PPEF1: variants seen among roughly 807,000 people sequenced by gnomAD.
The protein encoded by PPEF1 is serine/threonine-protein phosphatase with EF-hands 1.
In PPEF1, 12 loss-of-function variants were observed where a neutral mutation model predicts 53.3. The observed-to-expected ratio is 0.23, with a 90% CI of 0.14 to 0.36. The LOEUF (loss-of-function observed/expected upper bound fraction) is 0.36, where lower values mean the gene tolerates loss of function less well. Among genes scored for constraint, PPEF1 ranks in the 10% least tolerant of loss-of-function variants. The pLI is 1.00. For synonymous variants in PPEF1, 165 were observed against 176.7 expected (o/e 0.93, Z 0.52); for missense variants, 334 against 490.4 (o/e 0.68, Z 3.01).
At chrX:18,823,470 C>G (rs1377852595) in intron 13 of PPEF1, among the ~76,000 whole-genome samples, 2 of 108,216 alleles carry the variant, frequency 1.8e-5, no homozygotes, top group East Asian at 5.8e-4. Context: ...ACTAAAAGTA[C>G]AAAAAAATTA....
chrX:18,713,489 C>T (rs1385463608), intron 1 of PPEF1, among the ~76,000 whole-genome samples: 3 of 99,177 alleles, frequency 3.0e-5, no homozygotes, highest in African/African-American at 7.5e-5. Flanking sequence ...ATATGGAGTG[C>T]GTCCAGAAGA....
chrX:18,764,201 C>T (rs775889464), intron 6 of PPEF1, among the ~76,000 whole-genome samples: 1 of 111,178 alleles, frequency 9.0e-6, no homozygotes, highest in African/African-American at 3.3e-5. Flanking sequence ...CCCAAGCCAT[C>T]GAAAGAGAGT....
chrX:18,761,340 A>G (rs1050221159), intron 5 of PPEF1, among the ~76,000 whole-genome samples, 190 bp from the exon 6 acceptor site: 2 of 111,922 alleles, frequency 1.8e-5, no homozygotes, highest in African/African-American at 6.5e-5. Context: ...GAAGCACTAG[A>G]TGCTGTCCCC....
chrX:18,788,080 G>A (rs943762671), intron 9 of PPEF1, among the ~76,000 whole-genome samples: 5 of 111,666 alleles, frequency 4.5e-5, no homozygotes, highest in African/African-American at 1.3e-4. Flanking sequence ...ACTTTGGGAG[G>A]CCAAGGCGGG....
At chrX:18,795,248 T>C (rs1016866390) in intron 10 of PPEF1, among the ~76,000 whole-genome samples, 5 of 112,116 alleles carry the variant, frequency 4.5e-5, no homozygotes, top group Admixed American at 1.9e-4. Flanking sequence ...AGGCGGAGGC[T>C]GCAGTGAGCT....
chrX:18,760,843 A>G (rs948064252), intron 5 of PPEF1, among the ~76,000 whole-genome samples: 8 of 101,004 alleles, frequency 7.9e-5, no homozygotes, highest in African/African-American at 3.0e-4. Context: ...GCAGTGGTGC[A>G]ATCTCAGCTC....
chrX:18,698,171 A>G (rs1219842550), intron 5 of PPEF1, among the ~76,000 whole-genome samples: 1 of 112,385 alleles, frequency 8.9e-6, no homozygotes, highest in Non-Finnish European at 1.9e-5. Flanking sequence ...AATAGATATT[A>G]TCATTATTGT....
At chrX:18,727,443 T>C (rs2044734482) in intron 1 of PPEF1, among the ~76,000 whole-genome samples, 2 of 111,333 alleles carry the variant, frequency 1.8e-5, no homozygotes, top group South Asian at 3.8e-4. Context: ...CTTTGCAAGG[T>C]TGAAGATGTG....
intron 12 of PPEF1, among the ~76,000 whole-genome samples, chrX:18,811,262 AGGCT>A (rs1370768519): frequency 9.0e-6 from 1 of 111,169 alleles, no homozygotes; most frequent in Non-Finnish European, 1.9e-5. Flanking sequence ...CATGTTGGCC[AGGCT>A]GGTCTCAAAC....
At chrX:18,745,759 T>C (rs747717071) in intron 3 of PPEF1, among the ~76,000 whole-genome samples, 1 of 112,193 alleles carries the variant, frequency 8.9e-6, no homozygotes, top group East Asian at 2.8e-4. Context: ...ATTCCATTCC[T>C]AGTTTCTGAG....
chrX:18,745,130 TA>T (rs2045296696), intron 3 of PPEF1, among the ~76,000 whole-genome samples: 1 of 96,109 alleles, frequency 1.0e-5, no homozygotes, highest in Non-Finnish European at 2.0e-5. Flanking sequence ...ATATATTATA[TA>T]ATTATATTAT....
intron 1 of PPEF1, among the ~76,000 whole-genome samples, chrX:18,684,031 A>C (rs759731523): frequency 2.3e-4 from 26 of 112,014 alleles, no homozygotes; most frequent in Admixed American, 1.0e-3. Context: ...CACATAGCTC[A>C]CCCGTAGCTC....
upstream of PPEF1, chrX:18,675,887 G>A (rs1309979532): frequency 2.1e-5 from 2 of 97,194 alleles, no homozygotes; most frequent in Non-Finnish European, 2.0e-5. Context: ...GCTTCCAGGT[G>A]GATCTTCGTC....
chrX:18,775,888 G>A (rs2045956179), intron 6 of PPEF1, among the ~76,000 whole-genome samples: 1 of 112,441 alleles, frequency 8.9e-6, no homozygotes, highest in Non-Finnish European at 1.9e-5. Flanking sequence ...TTTCAAGGAT[G>A]TGGAAGACAT....
chrX:18,827,521 A>AC lies in PPEF1; in HGVS notation c.*35dup. 1 of 1,102,954 alleles carries AC rather than the reference A, an allele frequency of 9.1e-7. No individual in the cohort carries two copies. Among genetic ancestry groups the AC allele is most frequent in the Non-Finnish European group, 1.2e-6 (1 of 800,375 alleles). 90.9% of individuals were successfully genotyped at this position (1,102,954 alleles called of 1,213,427 possible). On this transcript the variant is annotated 3_prime_UTR_variant, in exon 16 of 16. Transcript: ENST00000470157. ...GAGAGCTTCCCTCAGGCTCCCTGAA[A>AC]CAGCTAGGCCCAAATCACAAGTACA...
At chrX:18,675,220 C>T (rs979437689), upstream of PPEF1, among the ~76,000 whole-genome samples, 2 of 113,480 alleles carry the variant, frequency 1.8e-5, no homozygotes, top group South Asian at 7.1e-4. Flanking sequence ...TATCATCTGT[C>T]CCCAAACTTT....
At chrX:18,774,572 A>G (rs1414124279) in intron 6 of PPEF1, among the ~76,000 whole-genome samples, 4 of 112,027 alleles carry the variant, frequency 3.6e-5, no homozygotes, top group Admixed American at 2.8e-4. Flanking sequence ...CAATTGATAC[A>G]TGTTTGCTGT....
chrX:18,755,494 G>T (rs759709142), intron 4 of PPEF1, among the ~76,000 whole-genome samples: 14 of 112,138 alleles, frequency 1.2e-4, no homozygotes, highest in Non-Finnish European at 2.4e-4. Flanking sequence ...TTGAACCCAG[G>T]AGGCAGAGGT....
At chrX:18,772,522 G>T (rs1486827228) in intron 6 of PPEF1, among the ~76,000 whole-genome samples, 1 of 111,791 alleles carries the variant, frequency 8.9e-6, no homozygotes, top group Non-Finnish European at 1.9e-5. Flanking sequence ...CTCATAAAAT[G>T]AGTTAGGGAG....
Sources: gnomAD v4.1 joint callset for allele counts (sites outside exome capture counted in the v4.1 genomes callset) on GRCh38, gnomAD v4.1.1 for gene constraint, MANE v1.5 for transcripts, NCBI Gene and HGNC (gene_info 2026-07-23, HGNC 2026-07-21) for gene names.